Variants in ZC2HC1B observed in about 807,000 individuals in gnomAD.
ZC2HC1B encodes the protein zinc finger C2HC-type containing 1B.
A neutral mutation model predicts 31.0 loss-of-function variants in ZC2HC1B; 36 were observed. That is an observed-to-expected ratio of 1.16 (90% CI 0.89 to 1.54). ZC2HC1B has a LOEUF of 1.54. ZC2HC1B is among the 40% of genes most tolerant of loss of function. The pLI, the probability that ZC2HC1B is intolerant of heterozygous loss-of-function variation, is 0.00. For synonymous variants in ZC2HC1B, 73 were observed against 88.0 expected (o/e 0.83, Z 0.95); for missense variants, 260 against 268.6 (o/e 0.97, Z 0.22).
rs1053459563 is a variant in ZC2HC1B, at chr6:143,895,087, G to C, written c.350-3465G>C. Among the ~76,000 whole-genome samples, 1 of 152,206 alleles carries C rather than the reference G, an allele frequency of 6.6e-6. No individual in the cohort carries two copies. Among genetic ancestry groups the C allele is most frequent in the Non-Finnish European group, 1.5e-5 (1 of 68,042 alleles). ...CCCAACATTTTCACCACGGTTTGAT[G>C]ATTTTGTTTGTGCAAGGATTTTATA... On this transcript the variant is annotated intron_variant, in intron 4 of 7. Coordinates refer to ENST00000237275, the MANE Select transcript of ZC2HC1B (RefSeq NM_001013623.3). This position sits in a 1 kb window ranked among gnomAD's most constrained non-coding sequence, Gnocchi z 4.8.
chr6:143,929,611 C>G (rs1778093944), intron 6 of ZC2HC1B, among the ~76,000 whole-genome samples: 1 of 152,128 alleles, frequency 6.6e-6, no homozygotes, highest in Admixed American at 6.6e-5. Flanking sequence ...AGAGTCCCTC[C>G]TCTTCAGTGT....
Position 143,917,002 on chromosome 6 carries a change from A to T in ZC2HC1B, c.598+13850A>T, listed in dbSNP as rs951014014. ...ATGAGATTTGGGAGGGGCCAGGGACAAAATGATATAGTTTGGCTCTGTCCC... is the reference window on the plus strand; with the variant it reads ...ATGAGATTTGGGAGGGGCCAGGGACTAAATGATATAGTTTGGCTCTGTCCC... On this transcript the variant is annotated intron_variant, in intron 6 of 7. Transcript: ENST00000237275. The surrounding 1 kb of genome is among the most constrained non-coding windows in gnomAD (Gnocchi z 4.1). Among the ~76,000 whole-genome samples, 3 of 152,232 alleles carry T rather than the reference A, an allele frequency of 2.0e-5. No individual in the cohort carries two copies. The highest frequency in any genetic ancestry group is 7.2e-5 in the African/African-American group (3 of 41,458).
intron 5 of ZC2HC1B, among the ~76,000 whole-genome samples, chr6:143,902,087 G>A (rs775778825): frequency 6.6e-5 from 10 of 152,152 alleles, no homozygotes; most frequent in Non-Finnish European, 1.3e-4. Flanking sequence ...GAGCTGAGTG[G>A]TGATTGCGAA....
intron 6 of ZC2HC1B, among the ~76,000 whole-genome samples, chr6:143,920,863 G>A (rs970607627): frequency 1.4e-5 from 2 of 144,066 alleles, no homozygotes; most frequent in Non-Finnish European, 3.0e-5. Flanking sequence ...AGCCAAGATC[G>A]CCACTGCACT....
chr6:143,871,459 A>G lies in ZC2HC1B; in HGVS notation c.28+6892A>G, dbSNP rs1003846736. On this transcript the variant is annotated intron_variant, in intron 1 of 7. Coordinates refer to ENST00000237275, the MANE Select transcript of ZC2HC1B (RefSeq NM_001013623.3). The surrounding 1 kb of genome is among the most constrained non-coding windows in gnomAD (Gnocchi z 4.1). ...GGAGAAAAGGGCATTTGCCAAGTCAATGGCTGCATACCAGGTACCAAGAAA... is the reference window on the plus strand; with the variant it reads ...GGAGAAAAGGGCATTTGCCAAGTCAGTGGCTGCATACCAGGTACCAAGAAA... 1.3e-5 allele frequency among the ~76,000 whole-genome samples: 2 copies of G among 152,242 alleles called. No individual in the cohort carries two copies. Among genetic ancestry groups the G allele is most frequent in the African/African-American group, 4.8e-5 (2 of 41,464 alleles).
intron 7 of ZC2HC1B, 103 bp downstream of exon 7, chr6:143,937,836 CTCCAAGTTGGGTTAACAAAATGTA>C: frequency 1.2e-6 from 1 of 806,622 alleles, no homozygotes; most frequent in Non-Finnish European, 1.9e-6. Context: ...TCTGGACAAA[CTCCAAGTTGGGTTAACAAAATGTA>C]TGCTCTTGAA....
At chr6:143,876,148 GGA>G (rs1376192884) in intron 1 of ZC2HC1B, among the ~76,000 whole-genome samples, 2 of 150,584 alleles carry the variant, frequency 1.3e-5, no homozygotes, top group Non-Finnish European at 3.0e-5. Flanking sequence ...TTTCTCTACA[GGA>G]GATAAGACTC....
At chr6:143,873,532 C>T (rs1225603387) in intron 1 of ZC2HC1B, among the ~76,000 whole-genome samples, 1 of 152,214 alleles carries the variant, frequency 6.6e-6, no homozygotes, top group African/African-American at 2.4e-5. Context: ...CCATGAGGAC[C>T]CCACCCCTGC....
intron 1 of ZC2HC1B, among the ~76,000 whole-genome samples, chr6:143,882,798 G>C (rs1362847501): frequency 6.6e-6 from 1 of 152,058 alleles, no homozygotes; most frequent in Non-Finnish European, 1.5e-5. Flanking sequence ...TTTCAACTCA[G>C]TGTTTCCAAA....
chr6:143,867,253 C>T (rs1777275794), intron 1 of ZC2HC1B, among the ~76,000 whole-genome samples: 2 of 152,144 alleles, frequency 1.3e-5, no homozygotes, highest in Admixed American at 6.5e-5. Context: ...TTTTTTAAAG[C>T]CACTTGTATA....
At chr6:143,904,676 G>A (rs184650395) in intron 6 of ZC2HC1B, among the ~76,000 whole-genome samples, 54 of 152,252 alleles carry the variant, frequency 3.5e-4, no homozygotes, top group African/African-American at 4.8e-4. Flanking sequence ...ATTAATCCTT[G>A]CCTAATCCAG....
rs1778016763 is a variant in ZC2HC1B, at chr6:143,924,897, G to C, written c.599-12752G>C. Among the ~76,000 whole-genome samples the C allele has an allele frequency of 6.6e-6, 1 of 152,014 alleles. No homozygotes were observed. Among genetic ancestry groups the C allele is most frequent in the South Asian group, 2.1e-4 (1 of 4,826 alleles). On this transcript the variant is annotated intron_variant, in intron 6 of 7. Coordinates refer to ENST00000237275, the MANE Select transcript of ZC2HC1B (RefSeq NM_001013623.3). This position sits in a 1 kb window ranked among gnomAD's most constrained non-coding sequence, Gnocchi z 5.2. ...GTTGGATTCACTTTGCTAGTATTTT[G>C]TTGAAGCTTTTTTGTGTCTGTGTTC...
At chr6:143,873,505 G>T in intron 1 of ZC2HC1B, among the ~76,000 whole-genome samples, 1 of 152,228 alleles carries the variant, frequency 6.6e-6, no homozygotes, top group Non-Finnish European at 1.5e-5. Flanking sequence ...CTTCCTCACT[G>T]CCCTAGCAGA....
rs996497524 is a variant in ZC2HC1B at position 143,876,278 on chromosome 6, C to A, written c.29-8026C>A. ...TCTGTCCCCTGAACTTAGGAGCAAC[C>A]AACCAGCTTCATTATGTTCCTTGGT... On this transcript the variant is annotated intron_variant, in intron 1 of 7. Transcript: ENST00000237275. 4.6e-5 allele frequency among the ~76,000 whole-genome samples: 7 copies of A among 150,548 alleles called. 1 individual carries two copies. The highest frequency in any genetic ancestry group is 1.7e-4 in the African/African-American group (7 of 40,770).
Position 143,869,343 on chromosome 6 carries a change from AGTT to A in ZC2HC1B, c.28+4782_28+4784del, listed in dbSNP as rs1401214369. Among the ~76,000 whole-genome samples, 1 of 152,174 alleles carries A rather than the reference AGTT, an allele frequency of 6.6e-6. No individual in the cohort carries two copies. Among genetic ancestry groups the A allele is most frequent in the Non-Finnish European group, 1.5e-5 (1 of 68,032 alleles). On this transcript the variant is annotated intron_variant, in intron 1 of 7. Transcript: ENST00000237275. The surrounding 1 kb of genome is among the most constrained non-coding windows in gnomAD (Gnocchi z 5.2). ...CCAGCCCTTCAACGTATTGTCACCT[AGTT>A]GTTGTAATTGTGACTTCAAAAGGCC...
chr6:143,879,629 C>T (rs1199454906), intron 1 of ZC2HC1B, among the ~76,000 whole-genome samples: 1 of 152,122 alleles, frequency 6.6e-6, no homozygotes, highest in Non-Finnish European at 1.5e-5. Context: ...TTCTTCTCTA[C>T]CATGCTCCTT....
rs1157575251 is a variant in ZC2HC1B, at chr6:143,933,688, G to A, written c.599-3961G>A. ...TCACTCCCACCGTGCCCTGCTAACC[G>A]TGCCAAGTTTATCTCTAGGCAGCCT... On this transcript the variant is annotated intron_variant, in intron 6 of 7. Transcript: ENST00000237275. This position sits in a 1 kb window ranked among gnomAD's most constrained non-coding sequence, Gnocchi z 6.4. Among the ~76,000 whole-genome samples, 6 of 152,084 alleles carry A rather than the reference G, an allele frequency of 3.9e-5. No individual in the cohort carries two copies. Among genetic ancestry groups the A allele is most frequent in the South Asian group, 2.1e-4 (1 of 4,824 alleles).
intron 4 of ZC2HC1B, among the ~76,000 whole-genome samples, chr6:143,894,159 G>A (rs1582960559): frequency 1.3e-5 from 2 of 151,288 alleles, no homozygotes; most frequent in Admixed American, 1.3e-4. Flanking sequence ...ATCAACAATT[G>A]AATAGATAAA....
chr6:143,927,594 G>A (rs1245717943), intron 6 of ZC2HC1B, among the ~76,000 whole-genome samples: 1 of 152,110 alleles, frequency 6.6e-6, no homozygotes, highest in Non-Finnish European at 1.5e-5. Context: ...GACTAGTGCT[G>A]TGATAAACAT....
Sources: allele counts gnomAD v4.1 joint callset (sites outside exome capture counted in the v4.1 genomes callset), GRCh38; gene constraint gnomAD v4.1.1; non-coding constraint Gnocchi (gnomAD v3.1); transcripts MANE v1.5; gene names NCBI Gene and HGNC (gene_info 2026-07-23, HGNC 2026-07-21).